HIPK2: variants seen among roughly 807,000 people sequenced by gnomAD.
HIPK2 encodes the protein homeodomain-interacting protein kinase 2.
HIPK2 carries 27 observed loss-of-function variants against 113.7 expected under a neutral mutation model. That is an observed-to-expected ratio of 0.24 (90% CI 0.17 to 0.33). The LOEUF (loss-of-function observed/expected upper bound fraction) is 0.33. HIPK2 is among the 10% of genes least tolerant of loss of function. The probability of loss-of-function intolerance (pLI) is 1.00; values close to 1 mark genes in which losing one functional copy is unlikely to be tolerated. For missense variants in HIPK2, 1,257 were observed against 1,588.0 expected, an observed-to-expected ratio of 0.79 and a Z score of 3.54; for synonymous variants, 631 against 642.2, an observed-to-expected ratio of 0.98 and a Z score of 0.26.
intron 1 of HIPK2, among the ~76,000 whole-genome samples, chr7:139,767,416 C>T (rs569984639): frequency 9.2e-5 from 14 of 152,296 alleles, no homozygotes; most frequent in Middle Eastern, 6.8e-3. Context: ...AAGGAACACA[C>T]AGTCAAAGAA....
chr7:139,707,966 AC>A (rs1243386302), intron 2 of HIPK2, among the ~76,000 whole-genome samples: 2 of 151,732 alleles, frequency 1.3e-5, no homozygotes, highest in African/African-American at 2.4e-5. Context: ...CTCCTATGGT[AC>A]CCCCCAATTA....
chr7:139,631,765 A>C lies in HIPK2; in HGVS notation c.1104-40T>G, dbSNP rs1800627406. 3 of 1,590,552 alleles carry C rather than the reference A, an allele frequency of 1.9e-6. No individual in the cohort carries two copies. Among genetic ancestry groups the C allele is most frequent in the Non-Finnish European group, 1.7e-6 (2 of 1,168,286 alleles). ...TGGAAGAAACCATTAGCAAGTTGGA[A>C]ATGCAGGAAGCTGTTTCTATATGAA... On this transcript the variant is annotated intron_variant, in intron 2 of 14. Coordinates refer to ENST00000406875, the MANE Select transcript of HIPK2 (RefSeq NM_022740.5). This position sits in a 1 kb window ranked among gnomAD's most constrained non-coding sequence, Gnocchi z 4.9.
chr7:139,605,235 G>GGTGT (rs34675356), intron 9 of HIPK2, among the ~76,000 whole-genome samples: 1,639 of 147,642 alleles, frequency 0.011, 27 homozygotes, highest in African/African-American at 0.028. Flanking sequence ...TAGATTCACT[G>GGTGT]GTGTGTGTGT....
At chr7:139,734,553 C>A (rs2117046184) in intron 1 of HIPK2, among the ~76,000 whole-genome samples, 1 of 152,322 alleles carries the variant, frequency 6.6e-6, no homozygotes, top group East Asian at 1.9e-4. Flanking sequence ...AATGCATTCC[C>A]ATGCTCCATG....
chr7:139,738,029 A>T (rs1795986632), intron 1 of HIPK2, among the ~76,000 whole-genome samples: 1 of 152,238 alleles, frequency 6.6e-6, no homozygotes, highest in Admixed American at 6.5e-5. Flanking sequence ...AAAGGATTCG[A>T]GTTTATGGAA....
At chr7:139,733,367 T>A (rs1430448755) in intron 1 of HIPK2, among the ~76,000 whole-genome samples, 1 of 152,198 alleles carries the variant, frequency 6.6e-6, no homozygotes, top group African/African-American at 2.4e-5. Context: ...GAATAGAATT[T>A]ACTTTCAAAG....
intron 7 of HIPK2, among the ~76,000 whole-genome samples, chr7:139,619,819 G>C (rs1463758830): frequency 6.6e-6 from 1 of 152,126 alleles, no homozygotes; most frequent in African/African-American, 2.4e-5. Context: ...GGAGTGCAAT[G>C]ACATAATCAT....
intron 2 of HIPK2, among the ~76,000 whole-genome samples, chr7:139,667,836 T>C (rs1467117579): frequency 6.6e-6 from 1 of 152,160 alleles, no homozygotes; most frequent in Non-Finnish European, 1.5e-5. Flanking sequence ...AGAAAGCAAT[T>C]ACTTGTGGCT....
rs186926458 is a variant in HIPK2, at chr7:139,596,602, C to G, written c.2717+115G>C. On this transcript the variant is annotated intron_variant, in intron 12 of 14. Coordinates refer to ENST00000406875, the MANE Select transcript of HIPK2 (RefSeq NM_022740.5). ...GACCACAGTAGATGGCAAAACCAAA[C>G]TGTAAGGGTCAGAAGAGAGGGATCC... The G allele has an allele frequency of 1.9e-3, 2,668 of 1,414,858 alleles. 49 individuals carry two copies. Among genetic ancestry groups the G allele is most frequent in the Non-Finnish European group, 4.6e-4 (476 of 1,040,240 alleles). The allele number at this position is 1,414,858 out of a possible 1,614,324, so 87.6% of individuals were successfully genotyped here.
chr7:139,595,367 C>G (rs1025321938), intron 12 of HIPK2, among the ~76,000 whole-genome samples: 2 of 152,110 alleles, frequency 1.3e-5, no homozygotes, highest in African/African-American at 4.8e-5. Flanking sequence ...TGTGGGGGCA[C>G]TGCGGAGAAT....
At chr7:139,763,894 A>G (rs538426620) in intron 1 of HIPK2, among the ~76,000 whole-genome samples, 1 of 152,346 alleles carries the variant, frequency 6.6e-6, no homozygotes, top group East Asian at 1.9e-4. Context: ...TACTATAAAC[A>G]AGTACCCTTT....
chr7:139,698,914 T>G (rs1470155420), intron 2 of HIPK2, among the ~76,000 whole-genome samples: 16 of 152,042 alleles, frequency 1.1e-4, no homozygotes, highest in Non-Finnish European at 2.1e-4. Flanking sequence ...ATACCACAGA[T>G]TTTACATGCA....
At position 139,562,389 on chromosome 7, in the gene HIPK2, C is replaced by T. The variant is rs1797973161; in HGVS notation, c.*10538G>A. On this transcript the variant is annotated 3_prime_UTR_variant, in exon 15 of 15. Coordinates refer to ENST00000406875, the MANE Select transcript of HIPK2 (RefSeq NM_022740.5). ...TGGTGACTTAGTGTCGCCGGGTCTC[C>T]TCTTCCCTGTTCTCATTTTGGGGAG... 6.6e-6 allele frequency: 1 copy of T among 152,206 alleles called. No individual in the cohort carries two copies. The highest frequency in any genetic ancestry group is 1.5e-5 in the Non-Finnish European group (1 of 68,044). The allele number at this position is 152,206 out of a possible 1,614,324, so 9.4% of individuals were successfully genotyped here.
intron 1 of HIPK2, among the ~76,000 whole-genome samples, chr7:139,739,258 T>A (rs1241188742): frequency 1.3e-4 from 19 of 151,876 alleles, no homozygotes. Context: ...TTTATGGACA[T>A]AACAACTCAC....
At chr7:139,763,345 C>T (rs1333009827) in intron 1 of HIPK2, among the ~76,000 whole-genome samples, 2 of 151,960 alleles carry the variant, frequency 1.3e-5, no homozygotes, top group African/African-American at 2.4e-5. Context: ...CATGGAGGGA[C>T]AAGTCAGGAA....
In HIPK2 at chr7:139,573,180, C is replaced by A. The variant is rs1199902615; in HGVS notation, c.3344G>T (p.Gly1115Val). The change falls in exon 15 of 15, where the codon GGC becomes GTC. Residue 1115 changes from glycine to valine, a missense_variant. Transcript: ENST00000406875. ...CGAGGCCACCAGGTGGGCCACGGTG[C>A]CGGTGGAGCCCAGGGCCGCCGGCGC... ...YTAPAALGST[G>V]TVAHLVASQG... 6.2e-7 allele frequency: 1 copy of A among 1,608,500 alleles called. No individual in the cohort carries two copies. The highest frequency in any genetic ancestry group is 8.5e-7 in the Non-Finnish European group (1 of 1,179,178).
intron 2 of HIPK2, among the ~76,000 whole-genome samples, chr7:139,692,051 G>GT (rs1198594011): frequency 2.0e-5 from 3 of 152,192 alleles, no homozygotes; most frequent in Non-Finnish European, 4.4e-5. Flanking sequence ...AAGGTAACAG[G>GT]TTTTTGATAT....
At position 139,575,225 on chromosome 7, in the gene HIPK2, C is replaced by A. The variant is rs1798448322; in HGVS notation, c.3029G>T (p.Ser1010Ile). The part of the protein sequence containing the change: ...SKSSSNVTST[S>I]GHSSGSSSGA... ...AGATGAGCTCCCTGAAGAGTGACCGCTGGTGGAGGTCACGTTGCTGGAGGA... is the reference window on the plus strand; with the variant it reads ...AGATGAGCTCCCTGAAGAGTGACCGATGGTGGAGGTCACGTTGCTGGAGGA... The change falls in exon 14 of 15, where the codon AGC becomes ATC. Residue 1010 changes from serine to isoleucine, a missense_variant. This residue lies in a region of HIPK2 where 862 missense variants were observed against 1,004.3 expected (regional missense o/e 0.86). Coordinates refer to ENST00000406875, the MANE Select transcript of HIPK2 (RefSeq NM_022740.5). 2 of 1,583,054 alleles carry A rather than the reference C, an allele frequency of 1.3e-6. No individual in the cohort carries two copies. The highest frequency in any genetic ancestry group is 2.7e-5 in the African/African-American group (2 of 74,400).
intron 9 of HIPK2, among the ~76,000 whole-genome samples, chr7:139,605,505 A>C (rs1020168134): frequency 6.6e-6 from 1 of 152,184 alleles, no homozygotes; most frequent in Non-Finnish European, 1.5e-5. Flanking sequence ...CAAACTGTGC[A>C]TGTGCTCAGT....
Sources: gnomAD v4.1 joint callset for allele counts (sites outside exome capture counted in the v4.1 genomes callset) on GRCh38, gnomAD v4.1.1 for gene constraint, gnomAD v4.1.1 regional missense constraint, Gnocchi (gnomAD v3.1) non-coding constraint, MANE v1.5 for transcripts, NCBI Gene and HGNC (gene_info 2026-07-23, HGNC 2026-07-21) for gene names.